The following CHRM3 variants were observed in gnomAD, a reference collection of about 807,000 sequenced individuals.
The protein encoded by CHRM3 is muscarinic acetylcholine receptor M3.
In CHRM3, 11 loss-of-function variants were observed where a neutral mutation model predicts 41.8. The observed-to-expected ratio is 0.26, with a 90% CI of 0.17 to 0.44. CHRM3 has a LOEUF of 0.44. CHRM3 is among the 20% of genes least tolerant of loss of function. CHRM3 has a pLI of 1.00. For synonymous variants in CHRM3, 297 were observed against 301.4 expected (o/e 0.99, Z 0.15); for missense variants, 571 against 745.4 (o/e 0.77, Z 2.72).
At chr1:239,644,337 AC>A (rs1671538563) in intron 4 of CHRM3, among the ~76,000 whole-genome samples, 1 of 147,622 alleles carries the variant, frequency 6.8e-6, no homozygotes, top group African/African-American at 2.5e-5. Flanking sequence ...CCCATTTCCC[AC>A]CCACCCGTCT....
intron 1 of CHRM3, among the ~76,000 whole-genome samples, chr1:239,451,813 A>T (rs543219319): frequency 4.3e-4 from 65 of 152,286 alleles, no homozygotes; most frequent in African/African-American, 1.5e-3. Context: ...CATATACATA[A>T]AAGATGTGAT....
chr1:239,431,213 A>T (rs1662808667), intron 1 of CHRM3, among the ~76,000 whole-genome samples: 1 of 152,170 alleles, frequency 6.6e-6, no homozygotes, highest in Admixed American at 6.5e-5. Flanking sequence ...TAATTTATTT[A>T]ATCTATGCAA....
intron 1 of CHRM3, among the ~76,000 whole-genome samples, chr1:239,487,703 G>GA (rs1271590258): frequency 6.6e-6 from 1 of 151,790 alleles, no homozygotes; most frequent in Non-Finnish European, 1.5e-5. Context: ...AGGATAATAA[G>GA]AAAATGAATC....
chr1:239,403,865 A>G (rs1304780541), intron 1 of CHRM3, among the ~76,000 whole-genome samples: 2 of 149,504 alleles, frequency 1.3e-5, no homozygotes, highest in Non-Finnish European at 3.0e-5. Context: ...GTCAATCTGC[A>G]TTCTAAACAC....
intron 4 of CHRM3, among the ~76,000 whole-genome samples, chr1:239,653,745 A>G (rs1398474060): frequency 3.3e-5 from 5 of 152,172 alleles, no homozygotes; most frequent in Non-Finnish European, 7.3e-5. Flanking sequence ...AGGATCAGAG[A>G]AAGGAGTGAT....
At chr1:239,842,987 CT>C (rs1209162105) in intron 6 of CHRM3, among the ~76,000 whole-genome samples, 2 of 152,148 alleles carry the variant, frequency 1.3e-5, no homozygotes, top group Non-Finnish European at 2.9e-5. Flanking sequence ...CTGTGATCAT[CT>C]TGCTCTTCTC....
At chr1:239,654,772 A>G (rs531691987) in intron 4 of CHRM3, among the ~76,000 whole-genome samples, 1 of 152,328 alleles carries the variant, frequency 6.6e-6, no homozygotes, top group East Asian at 1.9e-4. Context: ...GCGTCCATGA[A>G]TGAGTTGGAA....
intron 1 of CHRM3, among the ~76,000 whole-genome samples, chr1:239,429,627 A>G (rs1662663615): frequency 6.6e-6 from 1 of 152,176 alleles, no homozygotes; most frequent in Admixed American, 6.5e-5. Flanking sequence ...TGTGAGGCAC[A>G]TATTTTCAGT....
chr1:239,681,296 G>A (rs1658537892), intron 5 of CHRM3, among the ~76,000 whole-genome samples: 1 of 152,296 alleles, frequency 6.6e-6, no homozygotes, highest in Non-Finnish European at 1.5e-5. Context: ...AAGGGAAGAA[G>A]ATAAGGTGTC....
chr1:239,490,622 C>T (rs1271680189), intron 1 of CHRM3, among the ~76,000 whole-genome samples: 11 of 152,132 alleles, frequency 7.2e-5, no homozygotes, highest in Admixed American at 2.6e-4. Flanking sequence ...CAGTCAGTAG[C>T]GCAATCATAG....
chr1:239,488,714 C>CAAAAAA lies in CHRM3; in HGVS notation c.-520-3963_-520-3958dup, dbSNP rs763682628. Among the ~76,000 whole-genome samples, 7 of 46,220 alleles carry CAAAAAA rather than the reference C, an allele frequency of 1.5e-4. 1 individual carries two copies. Among genetic ancestry groups the CAAAAAA allele is most frequent in the African/African-American group, 7.1e-4 (7 of 9,802 alleles). The allele number at this position is 46,220 out of a possible 152,430, so 30.3% of individuals were successfully genotyped here. On this transcript the variant is annotated intron_variant, in intron 1 of 6. Transcript: ENST00000676153. Reference sequence around the variant, plus strand: ...TGGATGACAGAGCGAGACTCCTTCTCAAAAAAAAAAAAAAAAAAAAAAAAA... The same window carrying CAAAAAA: ...TGGATGACAGAGCGAGACTCCTTCTCAAAAAAAAAAAAAAAAAAAAAAAAAAAAAAA...
chr1:239,790,468 C>T (rs893695052), intron 5 of CHRM3, among the ~76,000 whole-genome samples: 4 of 152,130 alleles, frequency 2.6e-5, no homozygotes, highest in African/African-American at 7.2e-5. Context: ...AAGGGGAGTT[C>T]CCCTGCACAA....
At chr1:239,558,968 G>A (rs1660623603) in intron 3 of CHRM3, among the ~76,000 whole-genome samples, 2 of 152,138 alleles carry the variant, frequency 1.3e-5, no homozygotes, top group Admixed American at 6.6e-5. Context: ...GCACCTGGAG[G>A]ATACTCCATA....
chr1:239,587,209 G>A (rs1663510804), intron 3 of CHRM3, among the ~76,000 whole-genome samples: 1 of 152,222 alleles, frequency 6.6e-6, no homozygotes, highest in South Asian at 2.1e-4. Context: ...GAGCAGTGAG[G>A]TAGGTTCTGG....
At chr1:239,548,491 A>T (rs1169137497) in intron 3 of CHRM3, among the ~76,000 whole-genome samples, 1 of 152,228 alleles carries the variant, frequency 6.6e-6, no homozygotes, top group East Asian at 1.9e-4. Flanking sequence ...TTAAAATGTT[A>T]TCTTTGACTG....
rs1033440324 is a variant in CHRM3 at position 239,580,856 on chromosome 1, G to T, written c.-313+35107G>T. 4.6e-5 allele frequency among the ~76,000 whole-genome samples: 7 copies of T among 151,298 alleles called. No homozygotes were observed. The Admixed American group carries it at 4.6e-4, about 10-fold the overall frequency. Reference sequence around the variant, plus strand: ...ACATGCAGAAATTTTCTGCAAAAGTGCTCCTTAGGATTGGTTTTTCACATC... The same window carrying T: ...ACATGCAGAAATTTTCTGCAAAAGTTCTCCTTAGGATTGGTTTTTCACATC... On this transcript the variant is annotated intron_variant, in intron 3 of 6. Coordinates refer to ENST00000676153, the MANE Select transcript of CHRM3 (RefSeq NM_001375978.1).
At chr1:239,757,713 A>G (rs764738357) in intron 5 of CHRM3, among the ~76,000 whole-genome samples, 10 of 152,142 alleles carry the variant, frequency 6.6e-5, no homozygotes, top group Non-Finnish European at 1.5e-4. Flanking sequence ...GGCTATGTGA[A>G]GTAGAAGTTC....
intron 6 of CHRM3, among the ~76,000 whole-genome samples, chr1:239,857,820 GTGTT>G (rs1013525795): frequency 2.6e-5 from 4 of 152,098 alleles, no homozygotes; most frequent in African/African-American, 7.2e-5. Flanking sequence ...AGCCAACAAA[GTGTT>G]TGTGCAATTA....
At chr1:239,810,778 C>A (rs1358862653) in intron 5 of CHRM3, among the ~76,000 whole-genome samples, 1 of 152,254 alleles carries the variant, frequency 6.6e-6, no homozygotes, top group Non-Finnish European at 1.5e-5. Flanking sequence ...ACACTGCTAC[C>A]TGTTTATCAA....
Sources: gnomAD v4.1 joint callset for allele counts (sites outside exome capture counted in the v4.1 genomes callset) on GRCh38, gnomAD v4.1.1 for gene constraint, MANE v1.5 for transcripts, NCBI Gene and HGNC (gene_info 2026-07-23, HGNC 2026-07-21) for gene names.